LRRC4C: variants seen among roughly 807,000 people sequenced by gnomAD.
LRRC4C encodes leucine rich repeat containing 4C.
Under a neutral mutation model 33.6 loss-of-function variants are expected in LRRC4C, and 5 were observed. That is an observed-to-expected ratio of 0.15 (90% CI 0.08 to 0.31). LRRC4C has a LOEUF of 0.31. LRRC4C is among the 10% of genes least tolerant of loss of function. LRRC4C has a pLI of 1.00. For synonymous variants in LRRC4C, 329 were observed against 302.0 expected, an observed-to-expected ratio of 1.09 and a Z score of -0.93; for missense variants, 560 against 796.7, an observed-to-expected ratio of 0.70 and a Z score of 3.58.
At chr11:41,205,939 C>A (rs1438227744) in intron 1 of LRRC4C, among the ~76,000 whole-genome samples, 2 of 152,008 alleles carry the variant, frequency 1.3e-5, no homozygotes, top group African/African-American at 2.4e-5. Context: ...TACTACTAAG[C>A]TTTTTAAGAA....
intron 1 of LRRC4C, among the ~76,000 whole-genome samples, chr11:41,091,006 C>T (rs1940377470): frequency 6.6e-6 from 1 of 151,982 alleles, no homozygotes; most frequent in African/African-American, 2.4e-5. Context: ...ACTTGCAGCA[C>T]AAGAAAGAAA....
intron 1 of LRRC4C, among the ~76,000 whole-genome samples, chr11:41,132,727 T>C (rs1218968732): frequency 6.6e-6 from 1 of 152,190 alleles, no homozygotes; most frequent in Non-Finnish European, 1.5e-5. Flanking sequence ...ATAAATTGTG[T>C]CTTATTGCTT....
At chr11:40,439,000 G>C (rs1480407334) in intron 3 of LRRC4C, among the ~76,000 whole-genome samples, 1 of 142,702 alleles carries the variant, frequency 7.0e-6, no homozygotes, top group Non-Finnish European at 1.5e-5. Context: ...GCATGATCTC[G>C]GTTCACTGCA....
At chr11:40,808,830 G>T (rs532712543) in intron 2 of LRRC4C, among the ~76,000 whole-genome samples, 188 of 152,106 alleles carry the variant, frequency 1.2e-3, no homozygotes, top group Non-Finnish European at 2.3e-3. Flanking sequence ...ATGAAAAATA[G>T]TGTTTCTGAG....
chr11:41,281,794 C>A (rs534909482), intron 1 of LRRC4C, among the ~76,000 whole-genome samples: 43 of 152,200 alleles, frequency 2.8e-4, no homozygotes, highest in Admixed American at 2.0e-3. Flanking sequence ...GCCACTCCAA[C>A]AATCTTTAGT....
At chr11:41,233,967 C>CTTT (rs34427207) in intron 1 of LRRC4C, among the ~76,000 whole-genome samples, 5,319 of 140,282 alleles carry the variant, frequency 0.038, 132 homozygotes, top group African/African-American at 0.068. Flanking sequence ...TCTCCAAAAG[C>CTTT]TTTTTTTTTT....
At chr11:40,311,004 T>C (rs1231605045) in intron 4 of LRRC4C, among the ~76,000 whole-genome samples, 1 of 152,208 alleles carries the variant, frequency 6.6e-6, no homozygotes, top group Non-Finnish European at 1.5e-5. Context: ...TTAAAGATAC[T>C]GAGGATTCCT....
intron 1 of LRRC4C, among the ~76,000 whole-genome samples, chr11:41,386,362 A>G (rs1308397666): frequency 6.6e-6 from 1 of 151,686 alleles, no homozygotes; most frequent in Non-Finnish European, 1.5e-5. Context: ...AGTTTCAAAA[A>G]TAGTATAGAG....
intron 2 of LRRC4C, among the ~76,000 whole-genome samples, chr11:40,733,261 A>G (rs1032351231): frequency 6.6e-5 from 10 of 151,054 alleles, no homozygotes; most frequent in Non-Finnish European, 1.0e-4. Context: ...GTATTTAGTA[A>G]AGACAGGGTT....
At chr11:40,176,306 T>G (rs2135475979) in intron 5 of LRRC4C, among the ~76,000 whole-genome samples, 1 of 152,308 alleles carries the variant, frequency 6.6e-6, no homozygotes, top group South Asian at 2.1e-4. Context: ...TGCATTGTCC[T>G]TCTTGCTATA....
At chr11:40,904,327 C>A (rs1312525316) in intron 2 of LRRC4C, among the ~76,000 whole-genome samples, 1 of 144,504 alleles carries the variant, frequency 6.9e-6, no homozygotes, top group Non-Finnish European at 1.5e-5. Context: ...TGACTAAACC[C>A]AATCTACACA....
At chr11:40,671,581 C>G (rs1944113461) in intron 2 of LRRC4C, among the ~76,000 whole-genome samples, 1 of 151,924 alleles carries the variant, frequency 6.6e-6, no homozygotes. Flanking sequence ...TTGCAATTCT[C>G]TCTGTCTGGA....
At chr11:41,367,908 C>A (rs1196040171) in intron 1 of LRRC4C, among the ~76,000 whole-genome samples, 1 of 152,108 alleles carries the variant, frequency 6.6e-6, no homozygotes, top group Non-Finnish European at 1.5e-5. Flanking sequence ...AAAAAATAAT[C>A]CATTGAAATC....
intron 1 of LRRC4C, among the ~76,000 whole-genome samples, chr11:40,965,645 T>C (rs1179329019): frequency 6.6e-6 from 1 of 152,150 alleles, no homozygotes; most frequent in Non-Finnish European, 1.5e-5. Flanking sequence ...CCATTGCTTG[T>C]TTTTGTCAGA....
At position 40,954,194 on chromosome 11, in the gene LRRC4C, C is replaced by T. The variant is rs187133286; in HGVS notation, c.-495-20471G>A. Among the ~76,000 whole-genome samples the T allele has an allele frequency of 8.6e-5, 13 of 151,902 alleles. No individual in the cohort carries two copies. The East Asian group carries it at 2.1e-3, about 25-fold the overall frequency. On this transcript the variant is annotated intron_variant, in intron 1 of 6. Transcript: ENST00000528697. ...CTATGCATCCGCTGGCACCAACATC[C>T]CCAACATGTAACATTAGGTAAACTC... is the stretch of plus-strand genomic sequence containing the variant.
At chr11:40,277,232 A>G (rs1943173560) in intron 4 of LRRC4C, among the ~76,000 whole-genome samples, 1 of 152,200 alleles carries the variant, frequency 6.6e-6, no homozygotes, top group Non-Finnish European at 1.5e-5. Context: ...CCACTGGGAT[A>G]TTAAATGTTT....
intron 1 of LRRC4C, among the ~76,000 whole-genome samples, chr11:41,109,298 G>C (rs1227681493): frequency 6.6e-6 from 1 of 152,036 alleles, no homozygotes; most frequent in Non-Finnish European, 1.5e-5. Flanking sequence ...ATTGCTAAAA[G>C]ACAGCTCTCA....
intron 3 of LRRC4C, among the ~76,000 whole-genome samples, chr11:40,638,046 A>G (rs1174151967): frequency 6.6e-6 from 1 of 152,156 alleles, no homozygotes; most frequent in Non-Finnish European, 1.5e-5. Flanking sequence ...TAGCTTTCTC[A>G]GCTTCATAAT....
At position 40,239,105 on chromosome 11, in the gene LRRC4C, G is replaced by C. The variant is rs147435391; in HGVS notation, c.-96+2414C>G. ...CAAAGACTTGGTCTCAGTATTTGCT[G>C]TCTCTATGTGCAAATAACCATGTTC... On this transcript the variant is annotated intron_variant, in intron 5 of 6. Coordinates refer to ENST00000528697, the MANE Select transcript of LRRC4C (RefSeq NM_001258419.2). Among the ~76,000 whole-genome samples, 214 of 152,258 alleles carry C rather than the reference G, an allele frequency of 1.4e-3. 2 individuals are homozygous for C. The highest frequency in any genetic ancestry group is 4.9e-3 in the African/African-American group (205 of 41,558).
Sources: allele counts gnomAD v4.1 joint callset (sites outside exome capture counted in the v4.1 genomes callset), GRCh38; gene constraint gnomAD v4.1.1; transcripts MANE v1.5; gene names NCBI Gene and HGNC (gene_info 2026-07-23, HGNC 2026-07-21).